The following CDH19 variants were observed in gnomAD, a reference collection of about 807,000 sequenced individuals.
CDH19 encodes the protein cadherin 19, also known as cadherin-19.
CDH19 carries 67 observed loss-of-function variants against 64.2 expected under a neutral mutation model. The observed-to-expected ratio is 1.04, with a 90% CI of 0.86 to 1.28. CDH19 has a LOEUF of 1.28. CDH19 is among the 50% of genes most tolerant of loss of function. The probability of loss-of-function intolerance (pLI) is 0.00; values close to 1 mark genes in which losing one functional copy is unlikely to be tolerated. For synonymous variants in CDH19, 346 were observed against 319.3 expected (o/e 1.08, Z -0.89); for missense variants, 1,030 against 929.0 (o/e 1.11, Z -1.41).
chr18:66,521,916 C>CTGT (rs201747306), intron 9 of CDH19, among the ~76,000 whole-genome samples: 4,106 of 111,430 alleles, frequency 0.037, 194 homozygotes, highest in African/African-American at 0.14. Flanking sequence ...GTTACTTGTT[C>CTGT]TGTTGTTGTT....
chr18:66,589,905 A>G (rs765500322), intron 1 of CDH19, among the ~76,000 whole-genome samples: 1 of 151,950 alleles, frequency 6.6e-6, no homozygotes, highest in Non-Finnish European at 1.5e-5. Flanking sequence ...CAGGCCTGCA[A>G]AAGCACTTTA....
Position 66,568,416 on chromosome 18 carries a change from C to CTTCTGGTA in CDH19, c.489_490insTACCAGAA (p.Gly164TyrfsTer6). ...TTTGATGTAAATTAATATGCAATAC[C>CTTCTGGTA]TTCTGGAGACATCTCTGGTACAATG... On this transcript the variant is annotated frameshift_variant and splice_region_variant, in exon 3 of 12. Coordinates refer to ENST00000262150, the MANE Select transcript of CDH19 (RefSeq NM_021153.4). LOFTEE classifies it high-confidence loss of function. 6.2e-7 allele frequency: 1 copy of CTTCTGGTA among 1,607,304 alleles called. No homozygotes were observed. Among genetic ancestry groups the CTTCTGGTA allele is most frequent in the Non-Finnish European group, 8.5e-7 (1 of 1,175,672 alleles).
At chr18:66,600,278 T>C (rs1989005930) in intron 1 of CDH19, among the ~76,000 whole-genome samples, 1 of 151,880 alleles carries the variant, frequency 6.6e-6, no homozygotes, top group Admixed American at 6.6e-5. Flanking sequence ...ATGTTTTATA[T>C]AAAATAATTC....
chr18:66,516,335 A>G (rs1371669515), intron 9 of CDH19, among the ~76,000 whole-genome samples: 1 of 151,998 alleles, frequency 6.6e-6, no homozygotes, highest in African/African-American at 2.4e-5. Context: ...CTATTGAACA[A>G]CTGCTTGGTA....
chr18:66,587,344 C>A (rs1988606593), intron 1 of CDH19, among the ~76,000 whole-genome samples: 1 of 152,128 alleles, frequency 6.6e-6, no homozygotes, highest in Non-Finnish European at 1.5e-5. Context: ...TCAGAAGGAA[C>A]TGCGATTGCT....
chr18:66,600,017 G>A (rs1019514228), intron 1 of CDH19, among the ~76,000 whole-genome samples: 2 of 151,704 alleles, frequency 1.3e-5, no homozygotes, highest in Non-Finnish European at 2.9e-5. Flanking sequence ...GTTACAAGCT[G>A]GATTTAAAAA....
rs73539793 is a variant in CDH19 at position 66,551,338 on chromosome 18, A to G, written c.611-80T>C. On this transcript the variant is annotated intron_variant, in intron 4 of 11. Transcript: ENST00000262150. ...TAGTTAATTTCTTAACCATTGCAGT[A>G]TACATTATTTTGCTATATGTTGAAC... 5.4e-3 allele frequency: 4,361 copies of G among 800,748 alleles called. 99 individuals carry two copies. The African/African-American group carries it at 0.059, about 11-fold the overall frequency. The allele number at this position is 800,748 out of a possible 1,614,324, so 49.6% of individuals were successfully genotyped here. A position where few individuals can be genotyped will look rare whatever the true frequency, so the allele number is the denominator to read the frequency against.
intron 1 of CDH19, among the ~76,000 whole-genome samples, chr18:66,582,137 T>G (rs1323329211): frequency 6.6e-6 from 1 of 152,162 alleles, no homozygotes; most frequent in East Asian, 1.9e-4. Flanking sequence ...TAAATTACAT[T>G]TTAACGTTTG....
chr18:66,543,563 A>T (rs899199746), intron 7 of CDH19, among the ~76,000 whole-genome samples: 1 of 152,098 alleles, frequency 6.6e-6, no homozygotes, highest in African/African-American at 2.4e-5. Flanking sequence ...GACATACAGA[A>T]ATATAGATAC....
At chr18:66,560,365 C>T (rs1987676109) in intron 3 of CDH19, among the ~76,000 whole-genome samples, 1 of 151,994 alleles carries the variant, frequency 6.6e-6, no homozygotes, top group Non-Finnish European at 1.5e-5. Context: ...TTGATATCTC[C>T]ATTTATCTGT....
chr18:66,586,595 C>G (rs1276510492), intron 1 of CDH19, among the ~76,000 whole-genome samples: 1 of 151,830 alleles, frequency 6.6e-6, no homozygotes, highest in African/African-American at 2.4e-5. Context: ...AGTCCCCTTT[C>G]ATTCCAAAAG....
At chr18:66,529,619 A>T (rs985057586) in intron 9 of CDH19, among the ~76,000 whole-genome samples, 8 of 148,380 alleles carry the variant, frequency 5.4e-5, no homozygotes, top group African/African-American at 1.7e-4. Flanking sequence ...AGATGAATGC[A>T]TAACAAAAAT....
At chr18:66,564,586 T>C in intron 3 of CDH19, among the ~76,000 whole-genome samples, 1 of 151,952 alleles carries the variant, frequency 6.6e-6, no homozygotes, top group African/African-American at 2.4e-5. Flanking sequence ...GGCAGAAATA[T>C]GTGAAACTAA....
At chr18:66,532,920 G>A (rs918198051) in intron 8 of CDH19, among the ~76,000 whole-genome samples, 6 of 151,966 alleles carry the variant, frequency 3.9e-5, no homozygotes, top group African/African-American at 1.5e-4. Flanking sequence ...TGAATATCTA[G>A]ATAATATTTA....
At position 66,554,439 on chromosome 18, in the gene CDH19, T is replaced by C. The variant is rs756475672; in HGVS notation, c.576A>G (p.Gln192=). The C allele has an allele frequency of 5.1e-5, 82 of 1,611,924 alleles. No individual in the cohort carries two copies. The highest frequency in any genetic ancestry group is 1.6e-4 in the Middle Eastern group (1 of 6,074). Residue 192 remains glutamine (Q), a synonymous_variant, in exon 4 of 12, where the codon CAA becomes CAG. Transcript: ENST00000262150. ...NNARLLYSLL[Q]GQPYFSVEPT... ...GTTCAACAGAAAAATATGGCTGGCC[T>C]TGAAGTAAGCTGTAGAGGAGACGAG...
rs1986999807 is a variant in CDH19, at chr18:66,544,007, G to C, written c.1178C>G (p.Ser393Cys). The change falls in exon 7 of 12, where the codon TCT (serine) becomes TGT (cysteine). Residue 393 changes from serine to cysteine, a missense_variant. Transcript: ENST00000262150. ...TPQGSFVGVV[S>C]ATDPDNRKSP... ...TTTCCTATTGTCTGGGTCTGTGGCA[G>C]ACACCACGCCTACAAATGATCCCTG... The C allele has an allele frequency of 6.2e-7, 1 of 1,613,474 alleles. No individual in the cohort carries two copies. Among genetic ancestry groups the C allele is most frequent in the African/African-American group, 1.3e-5 (1 of 74,896 alleles).
At position 66,544,134 on chromosome 18, in the gene CDH19, C is replaced by T. The variant is rs1987008626; in HGVS notation, c.1051G>A (p.Glu351Lys). 1.2e-6 allele frequency: 2 copies of T among 1,613,790 alleles called. No homozygotes were observed. The highest frequency in any genetic ancestry group is 1.7e-6 in the Non-Finnish European group (2 of 1,179,884). Residue 351 changes from glutamate to lysine, a missense_variant, in exon 7 of 12, where the codon GAG becomes AAG. Transcript: ENST00000262150. ...ATCTTAATGAAAGTGGTGGAAGCCT[C>T]AGTGTGGTACTTCATGAGCTGCTCA... ...VPEQLMKYHT[E>K]ASTTFIKIQV... is the part of the protein sequence containing the mutation.
At position 66,544,645 on chromosome 18, in the gene CDH19, T is replaced by G. The variant is rs1598999735; in HGVS notation, c.960+74A>C. ...TTCAATTATTTAATGAGTTAAAAACTAACCAGCTACACAAAATATGTTATG... is the reference window on the plus strand; with the variant it reads ...TTCAATTATTTAATGAGTTAAAAACGAACCAGCTACACAAAATATGTTATG... On this transcript the variant is annotated intron_variant, in intron 6 of 11. Coordinates refer to ENST00000262150, the MANE Select transcript of CDH19 (RefSeq NM_021153.4). 57 of 1,028,696 alleles carry G rather than the reference T, an allele frequency of 5.5e-5. No individual in the cohort carries two copies. The East Asian group carries it at 1.5e-3, about 27-fold the overall frequency. 63.7% of individuals were successfully genotyped at this position (1,028,696 alleles called of 1,614,324 possible). A position where few individuals can be genotyped will look rare whatever the true frequency, so the allele number is the denominator to read the frequency against.
intron 11 of CDH19, among the ~76,000 whole-genome samples, chr18:66,507,025 G>C (rs1321421454): frequency 6.6e-6 from 1 of 151,780 alleles, no homozygotes; most frequent in Non-Finnish European, 1.5e-5. Flanking sequence ...TGTAATAGTT[G>C]ACCCGTAACT....
Sources: allele counts gnomAD v4.1 joint callset (sites outside exome capture counted in the v4.1 genomes callset), GRCh38; gene constraint gnomAD v4.1.1; transcripts MANE v1.5; gene names NCBI Gene and HGNC (gene_info 2026-07-23, HGNC 2026-07-21).